Variants in LRMDA observed in about 807,000 individuals in gnomAD.
The protein encoded by LRMDA is leucine-rich melanocyte differentiation-associated protein.
A neutral mutation model predicts 29.8 loss-of-function variants in LRMDA; 18 were observed. The ratio of observed to expected loss-of-function variants is 0.60; its 90% CI spans 0.42 to 0.90. The LOEUF is 0.90. LRMDA is among the 40% of genes least tolerant of loss of function. The pLI, the probability that LRMDA is intolerant of heterozygous loss-of-function variation, is 0.00. For synonymous variants in LRMDA, 125 were observed against 109.4 expected (o/e 1.14, Z -0.89); for missense variants, 273 against 273.9 (o/e 1.00, Z 0.02).
At chr10:76,409,050 A>G (rs1841931322) in intron 6 of LRMDA, among the ~76,000 whole-genome samples, 3 of 152,208 alleles carry the variant, frequency 2.0e-5, no homozygotes, top group Admixed American at 2.0e-4. Flanking sequence ...GACTCCAAGG[A>G]GGCCCTATGG....
At chr10:76,487,697 C>T (rs904249247) in intron 6 of LRMDA, among the ~76,000 whole-genome samples, 1 of 151,794 alleles carries the variant, frequency 6.6e-6, no homozygotes, top group Non-Finnish European at 1.5e-5. Flanking sequence ...AAAAAAACAA[C>T]TAAAGCTAAC....
chr10:76,410,474 A>G (rs1841948669), intron 6 of LRMDA, among the ~76,000 whole-genome samples: 1 of 151,692 alleles, frequency 6.6e-6, no homozygotes, highest in South Asian at 2.1e-4. Context: ...ATGCCTGGCT[A>G]GGTTTCAAAT....
intron 2 of LRMDA, among the ~76,000 whole-genome samples, chr10:75,530,490 C>T (rs1332289364): frequency 6.6e-6 from 1 of 152,200 alleles, no homozygotes; most frequent in Admixed American, 6.5e-5. Flanking sequence ...GTGTTGCCCC[C>T]TCCTTGCTGC....
At chr10:76,335,420 G>C (rs553449263) in intron 6 of LRMDA, among the ~76,000 whole-genome samples, 1 of 152,248 alleles carries the variant, frequency 6.6e-6, no homozygotes, top group African/African-American at 2.4e-5. Context: ...GCACTGTTTA[G>C]GTTAGATCCA....
At chr10:75,847,761 T>TGTGATTC in intron 2 of LRMDA, among the ~76,000 whole-genome samples, 2 of 152,240 alleles carry the variant, frequency 1.3e-5, no homozygotes, top group East Asian at 3.9e-4. Context: ...TCAACATCAC[T>TGTGATTC]AATCATAAGG....
At position 76,315,851 on chromosome 10, in the gene LRMDA, G is replaced by A. The variant is rs542979871; in HGVS notation, c.517-8550G>A. Among the ~76,000 whole-genome samples, 3 of 152,204 alleles carry A rather than the reference G, an allele frequency of 2.0e-5. No individual in the cohort carries two copies. In the East Asian group the frequency reaches 5.8e-4, roughly 30 times the overall value. Reference sequence around the variant, plus strand: ...TGCTTTTTCCGGCTGGCCCATGGCAGCCCATGGACCAATCAGCACTCACTT... The same window carrying A: ...TGCTTTTTCCGGCTGGCCCATGGCAACCCATGGACCAATCAGCACTCACTT... On this transcript the variant is annotated intron_variant, in intron 5 of 6. Coordinates refer to ENST00000611255, the MANE Select transcript of LRMDA (RefSeq NM_001305581.2).
intron 5 of LRMDA, among the ~76,000 whole-genome samples, chr10:76,201,069 TTTTATTTATTTATTTA>T (rs57777695): frequency 1.6e-4 from 23 of 141,224 alleles, no homozygotes; most frequent in Admixed American, 1.1e-3. Context: ...GTATTATTAT[TTTTATTTATTTATTTA>T]TTTATTTATT....
chr10:75,439,594 C>T (rs925715112), intron 2 of LRMDA, among the ~76,000 whole-genome samples: 115 of 152,152 alleles, frequency 7.6e-4, no homozygotes, highest in African/African-American at 2.7e-3. Flanking sequence ...TGCTCGGGAG[C>T]ACATGGCCAC....
intron 2 of LRMDA, among the ~76,000 whole-genome samples, chr10:75,819,331 A>T (rs1032509741): frequency 1.3e-5 from 2 of 152,166 alleles, no homozygotes; most frequent in African/African-American, 4.8e-5. Context: ...AAAAGTAAGA[A>T]TTTGCTATTG....
intron 4 of LRMDA, among the ~76,000 whole-genome samples, chr10:76,048,720 G>A (rs1189793965): frequency 6.6e-6 from 1 of 152,194 alleles, no homozygotes; most frequent in Non-Finnish European, 1.5e-5. Flanking sequence ...AGAATTCGGA[G>A]ACACTCAGCT....
intron 2 of LRMDA, among the ~76,000 whole-genome samples, chr10:75,645,011 G>T (rs1841498927): frequency 6.7e-6 from 1 of 148,562 alleles, no homozygotes; most frequent in East Asian, 2.0e-4. Context: ...TTTTGAGACA[G>T]GGTCACTGTC....
chr10:76,173,476 G>A (rs1326577534), intron 5 of LRMDA, among the ~76,000 whole-genome samples: 1 of 152,172 alleles, frequency 6.6e-6, no homozygotes, highest in African/African-American at 2.4e-5. Flanking sequence ...GAACCAGATA[G>A]AAGGCACAGA....
intron 6 of LRMDA, among the ~76,000 whole-genome samples, chr10:76,525,606 T>G (rs1432372374): frequency 1.5e-5 from 1 of 64,604 alleles, no homozygotes; most frequent in Non-Finnish European, 4.0e-5. Flanking sequence ...GGTAAGTGAA[T>G]GGCGGACTAC....
At chr10:75,928,239 G>A (rs1419499509) in intron 2 of LRMDA, among the ~76,000 whole-genome samples, 1 of 151,762 alleles carries the variant, frequency 6.6e-6, no homozygotes, top group East Asian at 1.9e-4. Context: ...GGCTGGGTGG[G>A]GTCTGGGAAG....
chr10:75,858,265 C>T (rs1343552360), intron 2 of LRMDA, among the ~76,000 whole-genome samples: 1 of 152,164 alleles, frequency 6.6e-6, no homozygotes, highest in East Asian at 1.9e-4. Flanking sequence ...ATGCTAGGCC[C>T]GGTGAAAAGA....
At chr10:76,377,984 A>G (rs570811944) in intron 6 of LRMDA, among the ~76,000 whole-genome samples, 63 of 152,236 alleles carry the variant, frequency 4.1e-4, no homozygotes, top group African/African-American at 1.5e-3. Flanking sequence ...TAGTTTGGTC[A>G]TTTTAACAAT....
intron 2 of LRMDA, among the ~76,000 whole-genome samples, chr10:75,525,600 T>C (rs980150657): frequency 1.3e-5 from 2 of 149,962 alleles, no homozygotes; most frequent in African/African-American, 4.9e-5. Flanking sequence ...TTCTTTTTTT[T>C]TTTTTTTTTG....
At chr10:75,857,302 C>A (rs887468676) in intron 2 of LRMDA, among the ~76,000 whole-genome samples, 5 of 152,134 alleles carry the variant, frequency 3.3e-5, no homozygotes, top group African/African-American at 9.7e-5. Flanking sequence ...GGCATGTTTC[C>A]GAACCTCCTT....
Position 76,316,276 on chromosome 10 carries a change from A to G in LRMDA, c.517-8125A>G, listed in dbSNP as rs1021267525. Among the ~76,000 whole-genome samples, 29 of 152,220 alleles carry G rather than the reference A, an allele frequency of 1.9e-4. 2 individuals are homozygous for G. The highest frequency in any genetic ancestry group is 6.7e-4 in the African/African-American group (28 of 41,552). ...GGCACCACAGCATTCCCTGGTGCCC[A>G]TGGTGGAAGCTACTTGCAGGACGCC... On this transcript the variant is annotated intron_variant, in intron 5 of 6. Coordinates refer to ENST00000611255, the MANE Select transcript of LRMDA (RefSeq NM_001305581.2).
Sources: gnomAD v4.1 joint callset for allele counts (sites outside exome capture counted in the v4.1 genomes callset) on GRCh38, gnomAD v4.1.1 for gene constraint, MANE v1.5 for transcripts, NCBI Gene and HGNC (gene_info 2026-07-23, HGNC 2026-07-21) for gene names.